The following DGKG variants were observed in gnomAD, a reference collection of about 807,000 sequenced individuals.
The protein encoded by DGKG is diacylglycerol kinase gamma, also known as DAG kinase gamma.
Under a neutral mutation model 105.3 loss-of-function variants are expected in DGKG, and 78 were observed. That is an observed-to-expected ratio of 0.74 (90% confidence interval 0.62 to 0.89). The LOEUF (loss-of-function observed/expected upper bound fraction) is 0.89. DGKG is among the 40% of genes least tolerant of loss of function. The probability of loss-of-function intolerance (pLI) is 0.00; values close to 1 mark genes in which losing one functional copy is unlikely to be tolerated. For synonymous variants in DGKG, 346 were observed against 367.1 expected, an observed-to-expected ratio of 0.94 and a Z score of 0.66; for missense variants, 958 against 1,020.1, an observed-to-expected ratio of 0.94 and a Z score of 0.83.
intron 20 of DGKG, among the ~76,000 whole-genome samples, chr3:186,241,026 T>A (rs1247061005): frequency 6.6e-6 from 1 of 152,150 alleles, no homozygotes; most frequent in Non-Finnish European, 1.5e-5. Context: ...TCTGTGTGTG[T>A]GAGAGCAAGA....
At chr3:186,208,402 C>T (rs1718856056) in intron 21 of DGKG, among the ~76,000 whole-genome samples, 2 of 149,178 alleles carry the variant, frequency 1.3e-5, no homozygotes, top group African/African-American at 4.9e-5. Context: ...TTAAGTTTCA[C>T]CATCCAACTT....
intron 15 of DGKG, 95 bp downstream of exon 15, chr3:186,261,604 C>T (rs1260306385): frequency 1.1e-6 from 1 of 886,668 alleles, no homozygotes; most frequent in Non-Finnish European, 1.8e-6. Context: ...TTTGAGTCTG[C>T]CTGTCTCCAC....
chr3:186,254,601 C>T (rs1025945524), intron 17 of DGKG, among the ~76,000 whole-genome samples: 1 of 152,168 alleles, frequency 6.6e-6, no homozygotes, highest in African/African-American at 2.4e-5. Flanking sequence ...CCTCACACAT[C>T]CATTCACATA....
At chr3:186,339,496 TA>T (rs1725987602) in intron 1 of DGKG, among the ~76,000 whole-genome samples, 1 of 152,244 alleles carries the variant, frequency 6.6e-6, no homozygotes, top group South Asian at 2.1e-4. Flanking sequence ...GATGTAACTT[TA>T]AAAGAGGTTT....
chr3:186,262,037 C>T (rs1173287432), intron 14 of DGKG: 1 of 387,196 alleles, frequency 2.6e-6, no homozygotes, highest in African/African-American at 2.1e-5. Flanking sequence ...AGCTTCAAAT[C>T]ATTCAACGAT....
rs1578587247 is a variant in DGKG at position 186,147,468 on chromosome 3, A to G, written c.*2622T>C. ...GACTCCACCACAAGAAACCACAGTC[A>G]TAGTGTTTAAAGGATGATTTGCAAG... On this transcript the variant is annotated 3_prime_UTR_variant, in exon 25 of 25. Coordinates refer to ENST00000265022, the MANE Select transcript of DGKG (RefSeq NM_001346.3). 1 of 985,430 alleles carries G rather than the reference A, an allele frequency of 1.0e-6. No individual in the cohort carries two copies. Among genetic ancestry groups the G allele is most frequent in the Non-Finnish European group, 1.2e-6 (1 of 829,888 alleles). 61.0% of individuals were successfully genotyped at this position (985,430 alleles called of 1,614,324 possible).
chr3:186,257,109 A>T (rs139997058), intron 17 of DGKG, among the ~76,000 whole-genome samples: 1 of 152,198 alleles, frequency 6.6e-6, no homozygotes, highest in Non-Finnish European at 1.5e-5. Context: ...CCCAGGGCTC[A>T]TCGCTCAGGG....
chr3:186,293,185 G>C (rs1303585132), intron 5 of DGKG, among the ~76,000 whole-genome samples: 1 of 152,132 alleles, frequency 6.6e-6, no homozygotes, highest in Non-Finnish European at 1.5e-5. Context: ...ACATTCTGTG[G>C]GTTTGGGCAA....
rs1715551030 is a variant in DGKG at position 186,147,321 on chromosome 3, C to T, written c.*2769G>A. ...AATAAGGGATTAGGTTCTCCCCTGA[C>T]TAACCATGTGGCTTTGAGAAGTCAC... On this transcript the variant is annotated 3_prime_UTR_variant, in exon 25 of 25. Coordinates refer to ENST00000265022, the MANE Select transcript of DGKG (RefSeq NM_001346.3). The T allele has an allele frequency of 5.1e-6, 5 of 985,744 alleles. No homozygotes were observed. In the South Asian group the frequency reaches 1.9e-4, roughly 37 times the overall value. 61.1% of individuals were successfully genotyped at this position (985,744 alleles called of 1,614,324 possible). A position where few individuals can be genotyped will look rare whatever the true frequency, so the allele number is the denominator to read the frequency against.
chr3:186,320,277 T>C (rs1725017367), intron 2 of DGKG, 116 bp downstream of exon 2: 29 of 1,239,252 alleles, frequency 2.3e-5, no homozygotes, highest in Non-Finnish European at 3.1e-5. Flanking sequence ...ATATAAGCCG[T>C]CAGGCCTGAC....
intron 20 of DGKG, among the ~76,000 whole-genome samples, chr3:186,222,693 A>G (rs1229130720): frequency 6.6e-6 from 1 of 151,808 alleles, no homozygotes; most frequent in South Asian, 2.1e-4. Context: ...AAATACAAAA[A>G]TTAGGCCAGG....
chr3:186,213,625 GT>G, intron 20 of DGKG, among the ~76,000 whole-genome samples: 1 of 152,148 alleles, frequency 6.6e-6, no homozygotes, highest in Non-Finnish European at 1.5e-5. Flanking sequence ...GACTATGCCT[GT>G]GGTTCTCAAA....
intron 5 of DGKG, among the ~76,000 whole-genome samples, chr3:186,293,018 A>G (rs1723382017): frequency 6.6e-6 from 1 of 152,122 alleles, no homozygotes; most frequent in South Asian, 2.1e-4. Flanking sequence ...AAGAGGGTCC[A>G]GAGGTTTTTC....
At chr3:186,205,266 A>C (rs1478765450) in intron 21 of DGKG, among the ~76,000 whole-genome samples, 4 of 150,748 alleles carry the variant, frequency 2.7e-5, no homozygotes, top group Non-Finnish European at 5.9e-5. Flanking sequence ...TCAAAAAAAA[A>C]AAAAAAAAAA....
At chr3:186,323,590 G>A (rs377059152) in intron 1 of DGKG, among the ~76,000 whole-genome samples, 24 of 152,234 alleles carry the variant, frequency 1.6e-4, no homozygotes, top group African/African-American at 5.3e-4. Flanking sequence ...TCAGGAGATC[G>A]AGACCATCCT....
At chr3:186,178,944 A>C (rs1156413504) in intron 22 of DGKG, among the ~76,000 whole-genome samples, 2 of 152,194 alleles carry the variant, frequency 1.3e-5, no homozygotes, top group Non-Finnish European at 2.9e-5. Flanking sequence ...TTTCTAATTT[A>C]TAAAATTTAT....
At chr3:186,195,722 G>A (rs1429357842) in intron 21 of DGKG, among the ~76,000 whole-genome samples, 3 of 152,150 alleles carry the variant, frequency 2.0e-5, no homozygotes, top group Admixed American at 1.3e-4. Flanking sequence ...GTAGTGTTGC[G>A]CAGATTCTGG....
At chr3:186,204,412 A>G (rs1718623388) in intron 21 of DGKG, among the ~76,000 whole-genome samples, 1 of 152,150 alleles carries the variant, frequency 6.6e-6, no homozygotes, top group African/African-American at 2.4e-5. Context: ...CTTCAAAATA[A>G]TAATAATAAT....
Position 186,298,009 on chromosome 3 carries a change from G to A in DGKG, c.310+55C>T, listed in dbSNP as rs978279901. ...CTCTAGGAATGCAGTCTGTGGCTGT[G>A]GCAGGGGATGAGAGCTGCGCAAGGT... On this transcript the variant is annotated intron_variant, in intron 4 of 24. Transcript: ENST00000265022. The A allele has an allele frequency of 1.2e-5, 18 of 1,547,486 alleles. No individual in the cohort carries two copies. The African/African-American group carries it at 2.2e-4, about 19-fold the overall frequency.
Sources: gnomAD v4.1 joint callset for allele counts (sites outside exome capture counted in the v4.1 genomes callset) on GRCh38, gnomAD v4.1.1 for gene constraint, MANE v1.5 for transcripts, NCBI Gene and HGNC (gene_info 2026-07-23, HGNC 2026-07-21) for gene names.